The following AGAP1 variants were observed in gnomAD, a reference collection of about 807,000 sequenced individuals.
AGAP1 encodes ArfGAP with GTPase domain, ankyrin repeat and PH domain 1.
Under a neutral mutation model 105.3 loss-of-function variants are expected in AGAP1, and 29 were observed. The observed-to-expected ratio is 0.28, with a 90% CI of 0.21 to 0.38. The LOEUF (loss-of-function observed/expected upper bound fraction) is 0.38, where lower values mean the gene tolerates loss of function less well. Ranked by LOEUF, AGAP1 falls within the 10% of genes least tolerant of loss-of-function variation. The pLI is 1.00. For missense variants in AGAP1, 998 were observed against 1,165.1 expected, an observed-to-expected ratio of 0.86 and a Z score of 2.09; for synonymous variants, 509 against 485.9, an observed-to-expected ratio of 1.05 and a Z score of -0.63.
intron 17 of AGAP1, among the ~76,000 whole-genome samples, chr2:236,122,226 C>T (rs776726801): frequency 2.0e-5 from 3 of 152,200 alleles, no homozygotes; most frequent in Non-Finnish European, 2.9e-5. Flanking sequence ...GTTGAGATTA[C>T]AGGTATCAGC....
chr2:236,070,798 T>A (rs1010684184), intron 16 of AGAP1, among the ~76,000 whole-genome samples: 1 of 152,098 alleles, frequency 6.6e-6, no homozygotes. Context: ...ATCAGGGGGA[T>A]GGGCAGTGCT....
chr2:235,735,744 T>C (rs1306337345), intron 3 of AGAP1, among the ~76,000 whole-genome samples: 1 of 152,030 alleles, frequency 6.6e-6, no homozygotes, highest in Admixed American at 6.6e-5. Flanking sequence ...CTCGACTCGC[T>C]TATGAATACA....
chr2:236,100,778 C>T (rs996668304), intron 16 of AGAP1, among the ~76,000 whole-genome samples: 5 of 150,858 alleles, frequency 3.3e-5, no homozygotes, highest in East Asian at 1.9e-4. Flanking sequence ...TGCAGTGAGC[C>T]GAGATCGTGT....
At position 235,981,466 on chromosome 2, in the gene AGAP1, C is replaced by T. The variant is rs2055092328; in HGVS notation, c.1645+12843C>T. 6.6e-6 allele frequency among the ~76,000 whole-genome samples: 1 copy of T among 151,906 alleles called. No homozygotes were observed. Among genetic ancestry groups the T allele is most frequent in the Non-Finnish European group, 1.5e-5 (1 of 67,970 alleles). On this transcript the variant is annotated intron_variant, in intron 13 of 17. Coordinates refer to ENST00000304032, the MANE Select transcript of AGAP1 (RefSeq NM_001037131.3). The surrounding 1 kb of genome is among the most constrained non-coding windows in gnomAD (Gnocchi z 5.5). Reference sequence around the variant, plus strand: ...TTCCATGCGTACACACACACACACACACACACACGGTGTTATTTTTTTTCT... The same window carrying T: ...TTCCATGCGTACACACACACACACATACACACACGGTGTTATTTTTTTTCT...
intron 13 of AGAP1, among the ~76,000 whole-genome samples, chr2:236,031,360 G>A (rs1183380836): frequency 7.9e-5 from 12 of 152,150 alleles, no homozygotes; most frequent in Admixed American, 7.9e-4. Flanking sequence ...GTGAGAAGAT[G>A]GCAGGCACGC....
In AGAP1 at chr2:236,053,682, C is replaced by T. The variant is rs1248835849; in HGVS notation, c.2114+4401C>T. On this transcript the variant is annotated intron_variant, in intron 16 of 17. Transcript: ENST00000304032. The surrounding 1 kb of genome is among the most constrained non-coding windows in gnomAD (Gnocchi z 4.6). ...TTTGGCCCCCAAGGCCCTGCAGGGA[C>T]TCGCTGCTATTTGCATTTCAGTGCA... Among the ~76,000 whole-genome samples the T allele has an allele frequency of 6.6e-6, 1 of 152,260 alleles. No homozygotes were observed. The highest frequency in any genetic ancestry group is 2.4e-5 in the African/African-American group (1 of 41,468).
At chr2:235,833,158 G>T (rs554811213) in intron 9 of AGAP1, among the ~76,000 whole-genome samples, 50 of 152,340 alleles carry the variant, frequency 3.3e-4, no homozygotes, top group African/African-American at 1.2e-3. Context: ...CAAGCAGGCT[G>T]TTGGGTGCTG....
intron 1 of AGAP1, among the ~76,000 whole-genome samples, chr2:235,575,238 A>G (rs1392934329): frequency 1.3e-5 from 2 of 152,236 alleles, no homozygotes; most frequent in South Asian, 2.1e-4. Flanking sequence ...GTAGCTTGAT[A>G]TGATGAGTGT....
intron 2 of AGAP1, among the ~76,000 whole-genome samples, chr2:235,709,543 A>C (rs550418647): frequency 1.5e-5 from 2 of 133,870 alleles, no homozygotes; most frequent in South Asian, 5.4e-4. Context: ...CCACACACAC[A>C]CACCCCCATG....
chr2:236,018,888 C>T (rs1051440939), intron 13 of AGAP1, among the ~76,000 whole-genome samples: 39 of 152,352 alleles, frequency 2.6e-4, no homozygotes, highest in Admixed American at 7.8e-4. Flanking sequence ...AACCCAGTCT[C>T]CCCGACACTG....
chr2:235,689,928 T>C lies in AGAP1; in HGVS notation c.164-19251T>C, dbSNP rs916547396. 6.6e-6 allele frequency among the ~76,000 whole-genome samples: 1 copy of C among 152,258 alleles called. No homozygotes were observed. Among genetic ancestry groups the C allele is most frequent in the Non-Finnish European group, 1.5e-5 (1 of 68,046 alleles). On this transcript the variant is annotated intron_variant, in intron 1 of 17. Transcript: ENST00000304032. This position sits in a 1 kb window ranked among gnomAD's most constrained non-coding sequence, Gnocchi z 4.2. ...ATAGTGTCATTTGTGGTATTTTTTT[T>C]TTTAAATACTGCTTTTGTTTATTTT...
rs922115733 is a variant in AGAP1 at position 236,056,901 on chromosome 2, T to G, written c.2114+7620T>G. Reference sequence around the variant, plus strand: ...TCCTTTTCTGCCAAATCCACGTCAGTAGCGGCATTGGGAGAACCGCCATGT... The same window carrying G: ...TCCTTTTCTGCCAAATCCACGTCAGGAGCGGCATTGGGAGAACCGCCATGT... On this transcript the variant is annotated intron_variant, in intron 16 of 17. Transcript: ENST00000304032. This position sits in a 1 kb window ranked among gnomAD's most constrained non-coding sequence, Gnocchi z 4.6. 6.6e-6 allele frequency among the ~76,000 whole-genome samples: 1 copy of G among 152,120 alleles called. No individual in the cohort carries two copies. Among genetic ancestry groups the G allele is most frequent in the Non-Finnish European group, 1.5e-5 (1 of 68,026 alleles).
At chr2:236,025,658 C>G (rs1248907031) in intron 13 of AGAP1, among the ~76,000 whole-genome samples, 1 of 152,126 alleles carries the variant, frequency 6.6e-6, no homozygotes, top group African/African-American at 2.4e-5. Context: ...GTCACCAGAG[C>G]AGCACATAGG....
chr2:235,640,137 A>G (rs573363235), intron 1 of AGAP1, among the ~76,000 whole-genome samples: 1 of 152,342 alleles, frequency 6.6e-6, no homozygotes, highest in African/African-American at 2.4e-5. Flanking sequence ...TGAGGTGGAC[A>G]GTTGCTCTTA....
At chr2:235,626,580 T>C (rs1474444193) in intron 1 of AGAP1, among the ~76,000 whole-genome samples, 3 of 152,258 alleles carry the variant, frequency 2.0e-5, no homozygotes, top group Non-Finnish European at 4.4e-5. Flanking sequence ...AAGTGATTTT[T>C]TTCCCTTTAC....
chr2:235,957,832 G>C lies in AGAP1; in HGVS notation c.1484-10630G>C, dbSNP rs560390216. ...AGTTCCTACAACGACTTCATCTTGAGTTCACAGGGGGCTTCAGCCCTCAAC... is the reference window on the plus strand; with the variant it reads ...AGTTCCTACAACGACTTCATCTTGACTTCACAGGGGGCTTCAGCCCTCAAC... On this transcript the variant is annotated intron_variant, in intron 12 of 17. Transcript: ENST00000304032. This position sits in a 1 kb window ranked among gnomAD's most constrained non-coding sequence, Gnocchi z 4.6. 6.6e-6 allele frequency among the ~76,000 whole-genome samples: 1 copy of C among 152,314 alleles called. No homozygotes were observed. The highest frequency in any genetic ancestry group is 2.4e-5 in the African/African-American group (1 of 41,580).
chr2:235,530,360 C>T (rs754786212), intron 1 of AGAP1, among the ~76,000 whole-genome samples: 2 of 152,156 alleles, frequency 1.3e-5, no homozygotes, highest in Non-Finnish European at 2.9e-5. Context: ...CACGGGAGCC[C>T]TTGTGCCTTA....
rs144557287 is a variant in AGAP1, at chr2:235,615,700, C to T, written c.164-93479C>T. The stretch of plus-strand genomic sequence containing the variant: ...ACTAGGTCAAATTATTGTTTTTTCT[C>T]TTTATGCTCATAGCCATTCCAAAGA... On this transcript the variant is annotated intron_variant, in intron 1 of 17. Transcript: ENST00000304032. This position sits in a 1 kb window ranked among gnomAD's most constrained non-coding sequence, Gnocchi z 5.0. 1.9e-4 allele frequency among the ~76,000 whole-genome samples: 29 copies of T among 152,244 alleles called. No homozygotes were observed. Among genetic ancestry groups the T allele is most frequent in the African/African-American group, 6.0e-4 (25 of 41,532 alleles).
chr2:236,060,459 T>G (rs2058159769), intron 16 of AGAP1, among the ~76,000 whole-genome samples: 1 of 151,724 alleles, frequency 6.6e-6, no homozygotes, highest in South Asian at 2.1e-4. Context: ...GAGGCCAAGG[T>G]GGGAGGATCA....
Sources: allele counts gnomAD v4.1 joint callset (sites outside exome capture counted in the v4.1 genomes callset), GRCh38; gene constraint gnomAD v4.1.1; non-coding constraint Gnocchi (gnomAD v3.1); transcripts MANE v1.5; gene names NCBI Gene and HGNC (gene_info 2026-07-23, HGNC 2026-07-21).